Variants in SLCO1A2 observed in about 807,000 individuals in gnomAD.
The protein encoded by SLCO1A2 is OATP-1.
SLCO1A2 carries 67 observed loss-of-function variants against 69.0 expected under a neutral mutation model. The observed-to-expected ratio is 0.97, with a 90% CI of 0.80 to 1.19. The LOEUF (loss-of-function observed/expected upper bound fraction) is 1.19. SLCO1A2 is among the 50% of genes most tolerant of loss of function. The pLI, the probability that SLCO1A2 is intolerant of heterozygous loss-of-function variation, is 0.00. For missense variants in SLCO1A2, 787 were observed against 793.7 expected (o/e 0.99, Z 0.10); for synonymous variants, 260 against 265.9 (o/e 0.98, Z 0.22).
intron 2 of SLCO1A2, chr12:21,373,382 A>G (rs773946611): frequency 3.1e-6 from 5 of 1,613,636 alleles, no homozygotes; most frequent in Non-Finnish European, 4.2e-6. Flanking sequence ...AGTATTTCTC[A>G]TTGTGCTCTC....
intron 4 of SLCO1A2, 72 bp from the exon 5 acceptor site, chr12:21,307,060 TTA>T: frequency 9.8e-7 from 1 of 1,021,736 alleles, no homozygotes; most frequent in Non-Finnish European, 1.5e-6. Flanking sequence ...GTGCAGATTG[TTA>T]CCTTCTGCTT....
At chr12:21,366,245 T>C (rs1206373419) in intron 2 of SLCO1A2, among the ~76,000 whole-genome samples, 2 of 152,112 alleles carry the variant, frequency 1.3e-5, no homozygotes, top group Admixed American at 6.5e-5. Flanking sequence ...TCATATCCTT[T>C]ATAGAGACAT....
chr12:21,290,779 A>G (rs987116078), intron 12 of SLCO1A2, among the ~76,000 whole-genome samples: 2 of 152,316 alleles, frequency 1.3e-5, no homozygotes, highest in Admixed American at 6.5e-5. Context: ...TTCTCTTCCA[A>G]ATACACAAAC....
intron 12 of SLCO1A2, 27 bp from the exon 13 acceptor site, chr12:21,275,451 A>G (rs753093329): frequency 2.1e-6 from 3 of 1,412,274 alleles, no homozygotes; most frequent in East Asian, 2.5e-5. Flanking sequence ...TTTGTAAATA[A>G]AAGAAAAATA....
At chr12:21,345,429 T>C (rs1009495882) in intron 2 of SLCO1A2, among the ~76,000 whole-genome samples, 7 of 152,050 alleles carry the variant, frequency 4.6e-5, no homozygotes, top group Admixed American at 2.0e-4. Context: ...TTCGTTGGCA[T>C]GCAGGGTTAC....
At chr12:21,339,857 T>G (rs1038774891), upstream of SLCO1A2, among the ~76,000 whole-genome samples, 3 of 151,978 alleles carry the variant, frequency 2.0e-5, no homozygotes, top group African/African-American at 7.2e-5. Context: ...AGTTATTCTC[T>G]TGGGATACAG....
intron 4 of SLCO1A2, among the ~76,000 whole-genome samples, chr12:21,310,183 A>C (rs1381637173): frequency 6.6e-6 from 1 of 152,254 alleles, no homozygotes; most frequent in African/African-American, 2.4e-5. Context: ...ATGTATAGAC[A>C]TATCTCAGAG....
chr12:21,390,522 A>T (rs1004219241), intron 1 of SLCO1A2, among the ~76,000 whole-genome samples: 1 of 152,150 alleles, frequency 6.6e-6, no homozygotes, highest in Non-Finnish European at 1.5e-5. Flanking sequence ...CCCCCAACAC[A>T]TTTCCTAGTC....
chr12:21,360,849 G>A (rs188766851), intron 2 of SLCO1A2, among the ~76,000 whole-genome samples: 9 of 152,278 alleles, frequency 5.9e-5, no homozygotes, highest in Admixed American at 2.0e-4. Flanking sequence ...AGGGGCGTCC[G>A]CCATTGCTGA....
chr12:21,384,202 GAGAC>G (rs1048577763), intron 1 of SLCO1A2, among the ~76,000 whole-genome samples: 8 of 151,938 alleles, frequency 5.3e-5, no homozygotes, highest in Non-Finnish European at 7.4e-5. Context: ...AATTTTAAAA[GAGAC>G]AGAGAAGAAA....
At chr12:21,356,099 T>A (rs1449767596) in intron 2 of SLCO1A2, among the ~76,000 whole-genome samples, 1 of 152,062 alleles carries the variant, frequency 6.6e-6, no homozygotes, top group Admixed American at 6.5e-5. Context: ...AGAATCAGAA[T>A]AAATTTGAAT....
intron 8 of SLCO1A2, among the ~76,000 whole-genome samples, 182 bp from the exon 9 acceptor site, chr12:21,297,750 G>C (rs552800737): frequency 6.6e-6 from 1 of 152,208 alleles, no homozygotes; most frequent in Admixed American, 6.5e-5. Flanking sequence ...GTGGCTTCTG[G>C]AAGTCAGTGA....
intron 2 of SLCO1A2, among the ~76,000 whole-genome samples, chr12:21,343,951 T>TTAA (rs1420863069): frequency 6.6e-6 from 1 of 152,088 alleles, no homozygotes; most frequent in Non-Finnish European, 1.5e-5. Flanking sequence ...AGAATGCCTA[T>TTAA]TAATGGCTGA....
chr12:21,380,806 G>A (rs1206913042), intron 1 of SLCO1A2, among the ~76,000 whole-genome samples: 2 of 152,146 alleles, frequency 1.3e-5, no homozygotes, highest in African/African-American at 4.8e-5. Flanking sequence ...AGGCTTCCAA[G>A]TGCTAGAATG....
At chr12:21,298,498 C>T (rs1948097344) in intron 8 of SLCO1A2, among the ~76,000 whole-genome samples, 1 of 152,126 alleles carries the variant, frequency 6.6e-6, no homozygotes. Flanking sequence ...TAATAAACTG[C>T]TCACAATTCA....
chr12:21,397,211 G>T (rs1261998872), upstream of SLCO1A2, among the ~76,000 whole-genome samples: 16 of 150,638 alleles, frequency 1.1e-4, no homozygotes, highest in Non-Finnish European at 1.9e-4. Flanking sequence ...AAAAAAGGCA[G>T]GGGTTGCAAT....
intron 1 of SLCO1A2, among the ~76,000 whole-genome samples, chr12:21,386,573 C>T (rs778231721): frequency 1.6e-4 from 25 of 152,138 alleles, no homozygotes; most frequent in Admixed American, 3.3e-4. Context: ...CCATGTAAGA[C>T]GTGTGTTTGC....
intron 2 of SLCO1A2, among the ~76,000 whole-genome samples, chr12:21,371,792 T>C (rs7304919): frequency 0.25 from 38,148 of 151,862 alleles, 5,750 homozygotes; most frequent in African/African-American, 0.43. Context: ...CACCTGAGGT[T>C]GGGAGTTCGA....
intron 2 of SLCO1A2, among the ~76,000 whole-genome samples, chr12:21,329,252 C>T (rs898465417): frequency 2.0e-5 from 3 of 152,122 alleles, no homozygotes; most frequent in African/African-American, 4.8e-5. Context: ...GCATTATACC[C>T]TCTGGTTTTA....
Sources: allele counts gnomAD v4.1 joint callset (sites outside exome capture counted in the v4.1 genomes callset), GRCh38; gene constraint gnomAD v4.1.1; transcripts MANE v1.5; gene names NCBI Gene and HGNC (gene_info 2026-07-23, HGNC 2026-07-21).